The following MB21D2 variants were observed in gnomAD, a reference collection of about 807,000 sequenced individuals.
MB21D2 encodes the protein nucleotidyltransferase MB21D2.
Under a neutral mutation model 33.3 loss-of-function variants are expected in MB21D2, and 9 were observed. The ratio of observed to expected loss-of-function variants is 0.27; its 90% CI spans 0.16 to 0.47. The LOEUF is 0.47. MB21D2 is among the 20% of genes least tolerant of loss of function. The pLI, the probability that MB21D2 is intolerant of heterozygous loss-of-function variation, is 0.99. For missense variants in MB21D2, 540 were observed against 624.6 expected (o/e 0.86, Z 1.44); for synonymous variants, 241 against 236.3 (o/e 1.02, Z -0.18).
At chr3:192,849,192 C>T (rs1712733922) in intron 1 of MB21D2, among the ~76,000 whole-genome samples, 1 of 152,182 alleles carries the variant, frequency 6.6e-6, no homozygotes, top group Non-Finnish European at 1.5e-5. Context: ...CTCCCATGCT[C>T]ACACTTGCCT....
intron 1 of MB21D2, among the ~76,000 whole-genome samples, chr3:192,901,293 G>C (rs116835620): frequency 6.6e-6 from 1 of 151,566 alleles, no homozygotes; most frequent in Non-Finnish European, 1.5e-5. Context: ...ATTGCGGCCG[G>C]GAGCGGTGGC....
chr3:192,887,475 C>G (rs1016325858), intron 1 of MB21D2, among the ~76,000 whole-genome samples: 1 of 151,908 alleles, frequency 6.6e-6, no homozygotes, highest in Non-Finnish European at 1.5e-5. Context: ...CTGTGAAGAT[C>G]GTAATTTTAT....
intron 1 of MB21D2, among the ~76,000 whole-genome samples, chr3:192,910,667 A>T (rs1004624722): frequency 4.6e-5 from 7 of 152,226 alleles, no homozygotes; most frequent in African/African-American, 1.7e-4. Context: ...TGGATCCCAT[A>T]CCATCCCTGT....
intron 1 of MB21D2, among the ~76,000 whole-genome samples, chr3:192,832,707 T>C (rs1712345051): frequency 2.0e-5 from 3 of 152,216 alleles, no homozygotes; most frequent in South Asian, 2.1e-4. Flanking sequence ...GGAGAATCAC[T>C]TGGACCCGGG....
chr3:192,823,241 T>C (rs958829828), intron 1 of MB21D2, among the ~76,000 whole-genome samples: 1 of 152,228 alleles, frequency 6.6e-6, no homozygotes, highest in African/African-American at 2.4e-5. Context: ...TTAATTTTAA[T>C]TCATGTCATA....
chr3:192,878,107 T>G (rs1366688979), intron 1 of MB21D2, among the ~76,000 whole-genome samples: 1 of 145,766 alleles, frequency 6.9e-6, no homozygotes, highest in African/African-American at 2.7e-5. Flanking sequence ...TTTTTGGTTT[T>G]TTTTGTTTTT....
intron 1 of MB21D2, among the ~76,000 whole-genome samples, chr3:192,878,081 C>CTTTTTTTTTTTTTTTTTT (rs11294126): frequency 6.3e-3 from 748 of 119,302 alleles, no homozygotes; most frequent in Non-Finnish European, 8.2e-3. Context: ...AATTCCTCCT[C>CTTTTTTTTTTTTTTTTTT]TTTTTTTTTT....
chr3:192,827,382 T>C (rs1712199571), intron 1 of MB21D2, among the ~76,000 whole-genome samples: 1 of 152,014 alleles, frequency 6.6e-6, no homozygotes, highest in Non-Finnish European at 1.5e-5. Flanking sequence ...CACTGGCAGA[T>C]TGTGTTCCCT....
At chr3:192,814,644 C>T (rs1200611580) in intron 1 of MB21D2, among the ~76,000 whole-genome samples, 3 of 151,928 alleles carry the variant, frequency 2.0e-5, no homozygotes, top group Admixed American at 6.6e-5. Flanking sequence ...GGGCAGATCA[C>T]GAGGTCAGGA....
At chr3:192,836,491 G>C (rs537291321) in intron 1 of MB21D2, among the ~76,000 whole-genome samples, 1 of 152,194 alleles carries the variant, frequency 6.6e-6, no homozygotes, top group South Asian at 2.1e-4. Flanking sequence ...CTGTTAGAGG[G>C]AGTCCTAATT....
At chr3:192,846,875 CACAA>C (rs774858584) in intron 1 of MB21D2, among the ~76,000 whole-genome samples, 37 of 152,310 alleles carry the variant, frequency 2.4e-4, no homozygotes, top group Non-Finnish European at 4.7e-4. Context: ...GAGGTGTAAG[CACAA>C]ACAATGGCAG....
chr3:192,905,183 T>G (rs1288539283), intron 1 of MB21D2, among the ~76,000 whole-genome samples: 2 of 152,230 alleles, frequency 1.3e-5, no homozygotes, highest in Non-Finnish European at 2.9e-5. Context: ...ACAGGCAGAC[T>G]TACAGTCTGC....
intron 1 of MB21D2, among the ~76,000 whole-genome samples, chr3:192,908,713 G>A (rs113886648): frequency 2.0e-5 from 3 of 151,384 alleles, no homozygotes; most frequent in East Asian, 2.0e-4. Context: ...CCACCACGCC[G>A]GGCCAAATTT....
intron 1 of MB21D2, among the ~76,000 whole-genome samples, chr3:192,835,843 G>GAA (rs781395216): frequency 1.5e-5 from 2 of 131,278 alleles, no homozygotes; most frequent in African/African-American, 2.8e-5. Flanking sequence ...AAGATTGGGG[G>GAA]AAAAAAAAAA....
In MB21D2 at chr3:192,900,036, G is replaced by A. The variant is rs555900635; in HGVS notation, c.211+17594C>T. ...ACAGTGGCTCACGCCTGTAATCCCA[G>A]CACTTTGGGAGGCTGAGGCGGGCGG... On this transcript the variant is annotated intron_variant, in intron 1 of 1. Coordinates refer to ENST00000392452, the MANE Select transcript of MB21D2 (RefSeq NM_178496.4). Among the ~76,000 whole-genome samples, 23 of 152,216 alleles carry A rather than the reference G, an allele frequency of 1.5e-4. No homozygotes were observed. In the South Asian group the frequency reaches 4.6e-3, roughly 30 times the overall value.
intron 1 of MB21D2, among the ~76,000 whole-genome samples, chr3:192,885,102 A>G (rs1033839926): frequency 3.3e-5 from 5 of 152,142 alleles, no homozygotes; most frequent in Non-Finnish European, 7.3e-5. Context: ...AAATGAAATC[A>G]TAATAGCAAG....
At chr3:192,849,316 T>TTGGGGGGGG (rs1394136617) in intron 1 of MB21D2, among the ~76,000 whole-genome samples, 1 of 92,190 alleles carries the variant, frequency 1.1e-5, no homozygotes. Context: ...TCTCTTTTTT[T>TTGGGGGGGG]GGGGGGGGGG....
At chr3:192,879,677 C>G (rs1274092324) in intron 1 of MB21D2, among the ~76,000 whole-genome samples, 1 of 152,240 alleles carries the variant, frequency 6.6e-6, no homozygotes, top group Non-Finnish European at 1.5e-5. Flanking sequence ...AAAAATCTCT[C>G]TTAATCAACT....
chr3:192,915,445 G>A (rs1467208400), intron 1 of MB21D2, among the ~76,000 whole-genome samples: 2 of 152,184 alleles, frequency 1.3e-5, no homozygotes, highest in Admixed American at 1.3e-4. Flanking sequence ...CAAGGAACTC[G>A]CAAATGAATG....
Sources: allele counts gnomAD v4.1 joint callset (sites outside exome capture counted in the v4.1 genomes callset), GRCh38; gene constraint gnomAD v4.1.1; transcripts MANE v1.5; gene names NCBI Gene and HGNC (gene_info 2026-07-23, HGNC 2026-07-21).